The following CDC42BPG variants were observed in gnomAD, a reference collection of about 807,000 sequenced individuals.
CDC42BPG encodes the protein serine/threonine-protein kinase MRCK gamma.
Under a neutral mutation model 192.2 loss-of-function variants are expected in CDC42BPG, and 157 were observed. The ratio of observed to expected loss-of-function variants is 0.82; its 90% CI spans 0.72 to 0.93. CDC42BPG has a LOEUF of 0.93. Ranked by LOEUF, CDC42BPG falls within the 40% of genes least tolerant of loss-of-function variation. The pLI, the probability that CDC42BPG is intolerant of heterozygous loss-of-function variation, is 0.00. For missense variants in CDC42BPG, 1,992 were observed against 2,122.1 expected (o/e 0.94, Z 1.20); for synonymous variants, 981 against 918.5 (o/e 1.07, Z -1.23).
intron 1 of CDC42BPG, 39 bp from the exon 2 acceptor site, chr11:64,841,943 G>T: frequency 6.7e-7 from 1 of 1,495,618 alleles, no homozygotes; most frequent in South Asian, 1.2e-5. Flanking sequence ...TGCAGGGAGG[G>T]AGGGCTCCAT....
chr11:64,836,503 G>GACA lies in CDC42BPG; in HGVS notation c.1409_1411dup (p.Leu470dup). The GACA allele has an allele frequency of 6.2e-7, 1 of 1,613,450 alleles. No individual in the cohort carries two copies. The highest frequency in any genetic ancestry group is 8.5e-7 in the Non-Finnish European group (1 of 1,179,962). ...ACCAGCTGGGGGCCCATCCGTCTGG[G>GACA]ACAATGAGGCCTTGTCCCTCAGCAT... On this transcript the variant is annotated inframe_insertion, in exon 12 of 37. Transcript: ENST00000342711.
intron 27 of CDC42BPG, 89 bp from the exon 28 acceptor site, chr11:64,831,810 G>A (rs901332528): frequency 5.7e-6 from 7 of 1,230,070 alleles, no homozygotes; most frequent in Non-Finnish European, 6.8e-6. Flanking sequence ...TGTGCCCCGG[G>A]GGCCTAGCGT....
At chr11:64,834,727 A>G in intron 18 of CDC42BPG, 122 bp downstream of exon 18, 1 of 1,327,454 alleles carries the variant, frequency 7.5e-7, no homozygotes, top group Non-Finnish European at 1.0e-6. Context: ...CAGGGAAATC[A>G]CTATCTCTCA....
At chr11:64,840,022 A>G (rs1256894859) in intron 5 of CDC42BPG, 98 bp downstream of exon 5, 2 of 1,229,500 alleles carry the variant, frequency 1.6e-6, no homozygotes, top group African/African-American at 3.0e-5. Flanking sequence ...TGCCTGGCAC[A>G]TGATGAGTGC....
In CDC42BPG at chr11:64,831,578, G is replaced by C. The variant is rs201371771; in HGVS notation, c.3231C>G (p.Pro1077=). 8.7e-5 allele frequency: 140 copies of C among 1,612,440 alleles called. No individual in the cohort carries two copies. Among genetic ancestry groups the C allele is most frequent in the Non-Finnish European group, 1.1e-4 (132 of 1,179,934 alleles). Residue 1077 remains proline, a synonymous_variant, in exon 28 of 37, where the codon CCC becomes CCG. Coordinates refer to ENST00000342711, the MANE Select transcript of CDC42BPG (RefSeq NM_017525.3). ...LLLDARPRPR[P]VYTLKEAYDN... Reference sequence around the variant, plus strand: ...CGTAAGCCTCCTTGAGTGTGTACACGGGCCGGGGTCTTGGCCGCGCGTCCA... The same window carrying C: ...CGTAAGCCTCCTTGAGTGTGTACACCGGCCGGGGTCTTGGCCGCGCGTCCA...
intron 4 of CDC42BPG, 101 bp downstream of exon 4, chr11:64,840,452 G>A (rs1943229598): frequency 4.3e-6 from 6 of 1,409,906 alleles, no homozygotes; most frequent in Admixed American, 3.8e-5. Flanking sequence ...GAGTCTCTTG[G>A]TCCCAAGAGG....
chr11:64,834,011 C>G, intron 20 of CDC42BPG, 34 bp from the exon 21 acceptor site: 2 of 1,613,962 alleles, frequency 1.2e-6, no homozygotes, highest in African/African-American at 1.3e-5. Flanking sequence ...GGCCTGGGGT[C>G]CCTGGCCTGA....
Position 64,833,315 on chromosome 11 carries a change from G to T in CDC42BPG, c.2647C>A (p.Pro883Thr). Reference sequence around the variant, plus strand: ...TTGGTCGGGGATGGGAAGCTCCGGGGGCGCAGCGTGTGTGAGCCGGGCTGG... The same window carrying T: ...TTGGTCGGGGATGGGAAGCTCCGGGTGCGCAGCGTGTGTGAGCCGGGCTGG... ...PAKPGSHTLR[P>T]RSFPSPTKCL... The change falls in exon 24 of 37, where the codon CCC becomes ACC. Residue 883 changes from proline (P) to threonine (T), a missense_variant. Physicochemically the swap from Pro to Thr is conservative, Grantham distance 38. Coordinates refer to ENST00000342711, the MANE Select transcript of CDC42BPG (RefSeq NM_017525.3). 1 of 1,535,790 alleles carries T rather than the reference G, an allele frequency of 6.5e-7. No homozygotes were observed.
chr11:64,833,455 T>A lies in CDC42BPG; in HGVS notation c.2626-119A>T, dbSNP rs565935499. 10 of 974,224 alleles carry A rather than the reference T, an allele frequency of 1.0e-5. No homozygotes were observed. In the East Asian group the frequency reaches 2.4e-4, roughly 23 times the overall value. The allele number at this position is 974,224 out of a possible 1,614,324, so 60.3% of individuals were successfully genotyped here. A position where few individuals can be genotyped will look rare whatever the true frequency, so the allele number is the denominator to read the frequency against. On this transcript the variant is annotated intron_variant, in intron 23 of 36. Coordinates refer to ENST00000342711, the MANE Select transcript of CDC42BPG (RefSeq NM_017525.3). ...AGTGACCTCCGAGTCCCAGCCAATCTATGGCGGCAGGCAAGCTCATCGCCA... is the reference window on the plus strand; with the variant it reads ...AGTGACCTCCGAGTCCCAGCCAATCAATGGCGGCAGGCAAGCTCATCGCCA...
chr11:64,828,523 G>A (rs1224146264), intron 30 of CDC42BPG, among the ~76,000 whole-genome samples: 1 of 152,238 alleles, frequency 6.6e-6, no homozygotes, highest in African/African-American at 2.4e-5. Flanking sequence ...CGGGGAGCAC[G>A]AAGGCAATGG....
intron 27 of CDC42BPG, among the ~76,000 whole-genome samples, chr11:64,831,999 C>T (rs570123291): frequency 2.6e-5 from 4 of 152,202 alleles, no homozygotes; most frequent in Non-Finnish European, 5.9e-5. Context: ...GCCTGAGGGA[C>T]GAGTAACTAA....
In CDC42BPG at chr11:64,829,473, C is replaced by A; in HGVS notation, c.3965G>T (p.Trp1322Leu). The A allele has an allele frequency of 6.2e-7, 1 of 1,612,528 alleles. No individual in the cohort carries two copies. Reference protein sequence around the residue: ...ELLWPAAPMGWGYAAPYLTVF... With the variant: ...ELLWPAAPMGLGYAAPYLTVF... ...GCCAAGCCCTCAGCAGGCCTTACCC[C>A]AGCCCATGGGCGCTGCTGGCCACAA... The change falls in exon 30 of 37, where the codon TGG (tryptophan) becomes TTG (leucine). Residue 1322 changes from tryptophan to leucine, a missense_variant and splice_region_variant. Trp to Leu is a moderately conservative substitution (Grantham distance 61). Transcript: ENST00000342711.
intron 8 of CDC42BPG, 119 bp downstream of exon 8, chr11:64,838,535 A>G: frequency 2.2e-6 from 3 of 1,340,222 alleles, no homozygotes; most frequent in Non-Finnish European, 2.1e-6. Context: ...CATAAATCAT[A>G]AGCCCCGGTG....
chr11:64,835,686 AGGCCT>A, intron 14 of CDC42BPG, 65 bp from the exon 15 acceptor site: 4 of 1,595,934 alleles, frequency 2.5e-6, no homozygotes, highest in Non-Finnish European at 3.4e-6. Context: ...CCTGGGACAC[AGGCCT>A]GGCCCTGAGG....
Position 64,827,118 on chromosome 11 carries a change from T to A in CDC42BPG, c.4321A>T (p.Thr1441Ser). Residue 1441 changes from threonine to serine, a missense_variant, in exon 34 of 37, where the codon ACC becomes TCC. Coordinates refer to ENST00000342711, the MANE Select transcript of CDC42BPG (RefSeq NM_017525.3). ...FVRSKLISPP[T>S]NFNHLVHVGP... ...ACGTGTACTAGGTGGTTGAAGTTGG[T>A]AGGCGGCGAGATGAGCTTGGAGCGC... is the stretch of plus-strand genomic sequence containing the variant. The A allele has an allele frequency of 6.2e-7, 1 of 1,614,080 alleles. No homozygotes were observed. The highest frequency in any genetic ancestry group is 8.5e-7 in the Non-Finnish European group (1 of 1,179,972).
At chr11:64,825,698 C>T (rs929322162) in intron 36 of CDC42BPG, among the ~76,000 whole-genome samples, 5 of 152,060 alleles carry the variant, frequency 3.3e-5, no homozygotes, top group Admixed American at 1.3e-4. Context: ...AGGTTTTCCC[C>T]TGCCCTCATT....
rs200953793 is a variant in CDC42BPG at position 64,838,883 on chromosome 11, G to A, written c.896C>T (p.Pro299Leu). The change falls in exon 8 of 37, where the codon CCG becomes CTG. Residue 299 changes from proline (P) to leucine (L), a missense_variant. Around this residue, in one of 2 missense-constraint regions of CDC42BPG, gnomAD observed 1,656 missense variants for 1,844.3 expected, o/e 0.90. Transcript: ENST00000342711. Reference protein sequence around the residue: ...MNHEDHLQFPPDVPDVPASAQ... With the variant: ...MNHEDHLQFPLDVPDVPASAQ... ...GCTGGCTGGCACGTCAGGCACGTCC[G>A]GGGGGAACTGCAGGTGGTCCTGTGG... 223 of 1,609,160 alleles carry A rather than the reference G, an allele frequency of 1.4e-4. No homozygotes were observed. In the East Asian group the frequency reaches 4.8e-3, roughly 34 times the overall value.
chr11:64,827,629 G>A lies in CDC42BPG; in HGVS notation c.4066-18C>T. On this transcript the variant is annotated intron_variant, in intron 31 of 36. Transcript: ENST00000342711. ...GGCCGCACCTGAGGCAGCAGGCACA[G>A]CGGTCAGGCCACGCCTCCACCCCCG... The A allele has an allele frequency of 6.2e-7, 1 of 1,607,012 alleles. No homozygotes were observed. Among genetic ancestry groups the A allele is most frequent in the Non-Finnish European group, 8.5e-7 (1 of 1,174,966 alleles).
Position 64,836,720 on chromosome 11 carries a change from G to GGGGGGGGGGGGGGC in CDC42BPG, c.1384+18_1384+19insGCCCCCCCCCCCCC. On this transcript the variant is annotated intron_variant, in intron 11 of 36. Coordinates refer to ENST00000342711, the MANE Select transcript of CDC42BPG (RefSeq NM_017525.3). ...GGACTCAGCCCTGGGGGGGGGGGGG[G>GGGGGGGGGGGGGGC]GGTGGGCGGAAGGGATACCTGGCAG... 1.2e-6 allele frequency: 1 copy of GGGGGGGGGGGGGGC among 843,820 alleles called. No individual in the cohort carries two copies. The highest frequency in any genetic ancestry group is 1.7e-6 in the Non-Finnish European group (1 of 584,548). The allele number at this position is 843,820 out of a possible 1,614,324, so 52.3% of individuals were successfully genotyped here.
Sources: allele counts gnomAD v4.1 joint callset (sites outside exome capture counted in the v4.1 genomes callset), GRCh38; gene constraint gnomAD v4.1.1; regional missense constraint gnomAD v4.1.1; transcripts MANE v1.5; gene names NCBI Gene and HGNC (gene_info 2026-07-23, HGNC 2026-07-21).